Variants in SNX29 observed in about 807,000 individuals in gnomAD.
The protein encoded by SNX29 is sorting nexin-29.
A neutral mutation model predicts 102.1 loss-of-function variants in SNX29; 78 were observed. That is an observed-to-expected ratio of 0.76 (90% CI 0.64 to 0.92). The LOEUF (loss-of-function observed/expected upper bound fraction) is 0.92. SNX29 is among the 40% of genes least tolerant of loss of function. The pLI is 0.00. For missense variants in SNX29, 1,280 were observed against 1,061.7 expected, an observed-to-expected ratio of 1.21 and a Z score of -2.86; for synonymous variants, 580 against 414.5, an observed-to-expected ratio of 1.40 and a Z score of -4.85.
chr16:12,476,958 C>T (rs1269590725), intron 18 of SNX29, among the ~76,000 whole-genome samples: 1 of 152,108 alleles, frequency 6.6e-6, no homozygotes, highest in Non-Finnish European at 1.5e-5. Flanking sequence ...TCTCTCTGGG[C>T]TGTTCTTAAC....
At chr16:12,008,515 C>T (rs560149521) in intron 3 of SNX29, among the ~76,000 whole-genome samples, 26 of 151,998 alleles carry the variant, frequency 1.7e-4, no homozygotes, top group Non-Finnish European at 1.9e-4. Context: ...GTGATCCTCC[C>T]GCCTCGGCCT....
intron 4 of SNX29, among the ~76,000 whole-genome samples, chr16:12,035,925 G>A (rs1416187254): frequency 6.6e-6 from 1 of 152,214 alleles, no homozygotes; most frequent in African/African-American, 2.4e-5. Flanking sequence ...AATTGTAAAT[G>A]AGATGTCCAG....
chr16:12,150,254 G>A (rs910179186), intron 13 of SNX29, among the ~76,000 whole-genome samples: 2 of 152,138 alleles, frequency 1.3e-5, no homozygotes, highest in Admixed American at 6.5e-5. Context: ...AGCTATTCAG[G>A]CGAGAGATGA....
intron 10 of SNX29, among the ~76,000 whole-genome samples, chr16:12,070,398 A>G (rs573584606): frequency 7.8e-5 from 11 of 141,378 alleles, no homozygotes; most frequent in South Asian, 2.2e-4. Flanking sequence ...TCATTGTTCA[A>G]TTCCTATCTA....
intron 18 of SNX29, among the ~76,000 whole-genome samples, chr16:12,475,590 T>G (rs2151810370): frequency 6.6e-6 from 1 of 152,332 alleles, no homozygotes; most frequent in Non-Finnish European, 1.5e-5. Context: ...ACATCATAGC[T>G]CAGCCTAGTC....
chr16:12,548,807 G>A (rs1018713069), intron 20 of SNX29, among the ~76,000 whole-genome samples: 5 of 152,178 alleles, frequency 3.3e-5, no homozygotes, highest in Admixed American at 6.5e-5. Flanking sequence ...CTGGGCTGTT[G>A]TTTTCCTATG....
chr16:12,480,878 G>GTTA (rs1285532283), intron 19 of SNX29, among the ~76,000 whole-genome samples: 2 of 152,116 alleles, frequency 1.3e-5, no homozygotes, highest in African/African-American at 4.8e-5. Flanking sequence ...TGTTGTTGTT[G>GTTA]TTTGTTTGGT....
At chr16:12,406,061 T>C (rs1242746559) in intron 18 of SNX29, among the ~76,000 whole-genome samples, 1 of 151,734 alleles carries the variant, frequency 6.6e-6, no homozygotes, top group Admixed American at 6.6e-5. Context: ...TGCTATTTAA[T>C]TCCACAAAAG....
intron 1 of SNX29, among the ~76,000 whole-genome samples, chr16:11,984,774 A>C (rs2055544329): frequency 6.6e-6 from 1 of 152,016 alleles, no homozygotes. Flanking sequence ...CTCCCACCTC[A>C]GCCTCCTGAG....
chr16:12,435,437 C>G (rs2085492765), intron 18 of SNX29, among the ~76,000 whole-genome samples: 1 of 152,152 alleles, frequency 6.6e-6, no homozygotes, highest in Admixed American at 6.5e-5. Context: ...CTTAGGGCAC[C>G]TAAGACTCAG....
chr16:12,382,115 C>T (rs1288251546), intron 16 of SNX29, among the ~76,000 whole-genome samples: 1 of 152,098 alleles, frequency 6.6e-6, no homozygotes. Context: ...TCAAGGGAGG[C>T]AGCAACCCTA....
At chr16:12,168,918 C>G (rs1015172215) in intron 13 of SNX29, among the ~76,000 whole-genome samples, 2 of 152,120 alleles carry the variant, frequency 1.3e-5, no homozygotes, top group Non-Finnish European at 1.5e-5. Flanking sequence ...AACCTTGGCA[C>G]CTGGGTTGTG....
At chr16:12,542,466 G>A (rs1055711878) in intron 20 of SNX29, among the ~76,000 whole-genome samples, 1 of 152,194 alleles carries the variant, frequency 6.6e-6, no homozygotes, top group Non-Finnish European at 1.5e-5. Flanking sequence ...CAAGTAGCTG[G>A]GATTACAGGG....
chr16:12,531,594 G>T (rs1258371153), intron 20 of SNX29, among the ~76,000 whole-genome samples: 1 of 152,224 alleles, frequency 6.6e-6, no homozygotes, highest in Non-Finnish European at 1.5e-5. Context: ...GATGAGGACG[G>T]TGAGAGTTGA....
intron 14 of SNX29, among the ~76,000 whole-genome samples, chr16:12,233,022 C>G (rs1039597111): frequency 2.0e-5 from 3 of 152,218 alleles, no homozygotes; most frequent in East Asian, 1.9e-4. Context: ...CAAGTCACCA[C>G]AGTTCTGGAT....
chr16:12,373,491 TAA>T (rs2082762510), intron 16 of SNX29, among the ~76,000 whole-genome samples: 1 of 152,230 alleles, frequency 6.6e-6, no homozygotes, highest in African/African-American at 2.4e-5. Flanking sequence ...TATGAGGTTT[TAA>T]ACAGTAAATG....
At chr16:12,459,975 T>C (rs1018172969) in intron 18 of SNX29, among the ~76,000 whole-genome samples, 1 of 152,172 alleles carries the variant, frequency 6.6e-6, no homozygotes, top group Non-Finnish European at 1.5e-5. Context: ...AGTGCCTGGC[T>C]CCCAGTGTGG....
intron 20 of SNX29, 54 bp downstream of exon 20, chr16:12,524,895 C>G: frequency 1.3e-6 from 2 of 1,593,404 alleles, no homozygotes; most frequent in Non-Finnish European, 8.6e-7. Flanking sequence ...ATTTTTTTCT[C>G]GGTCGTTTTG....
At chr16:12,179,202 A>G (rs2076328007) in intron 13 of SNX29, among the ~76,000 whole-genome samples, 2 of 152,210 alleles carry the variant, frequency 1.3e-5, no homozygotes, top group South Asian at 4.1e-4. Flanking sequence ...TTGGCTTGTG[A>G]GGGCCGGGCA....
Sources: gnomAD v4.1 joint callset for allele counts (sites outside exome capture counted in the v4.1 genomes callset) on GRCh38, gnomAD v4.1.1 for gene constraint, MANE v1.5 for transcripts, NCBI Gene and HGNC (gene_info 2026-07-23, HGNC 2026-07-21) for gene names.